GLB1L2: variants seen among roughly 807,000 people sequenced by gnomAD.
GLB1L2 encodes the protein beta-galactosidase-1-like protein 2.
Under a neutral mutation model 84.1 loss-of-function variants are expected in GLB1L2, and 68 were observed. That is an observed-to-expected ratio of 0.81 (90% CI 0.67 to 0.99). GLB1L2 has a LOEUF of 0.99. Among genes scored for constraint, GLB1L2 ranks in the 50% least tolerant of loss-of-function variants. The pLI is 0.00. For missense variants in GLB1L2, 762 were observed against 805.6 expected, an observed-to-expected ratio of 0.95 and a Z score of 0.66; for synonymous variants, 290 against 318.0, an observed-to-expected ratio of 0.91 and a Z score of 0.94.
chr11:134,359,141 G>C lies in GLB1L2; in HGVS notation c.733G>C (p.Val245Leu), dbSNP rs772087679. ...GCTGAGCAAGGGGATTGTCCAGGGA[G>C]GTAACTGCACTTGTGTTGGGCCGTG... ...DGLSKGIVQG[V>L]LATINLQSTH... Residue 245 changes from valine (V) to leucine (L), a missense_variant and splice_region_variant, in exon 7 of 19, where the codon GTC becomes CTC. Physicochemically the swap from Val to Leu is conservative, Grantham distance 32. Transcript: ENST00000535456. 6.3e-7 allele frequency: 1 copy of C among 1,596,482 alleles called. No individual in the cohort carries two copies. The highest frequency in any genetic ancestry group is 1.1e-5 in the South Asian group (1 of 88,154).
At chr11:134,343,051 C>G (rs527943299) in intron 2 of GLB1L2, 100 bp downstream of exon 2, 2 of 1,265,020 alleles carry the variant, frequency 1.6e-6, no homozygotes, top group Admixed American at 4.8e-5. Context: ...GGTCCTCTGC[C>G]CAGGGCGAGA....
intron 8 of GLB1L2, chr11:134,364,658 A>G: frequency 2.3e-6 from 1 of 428,876 alleles, no homozygotes; most frequent in South Asian, 4.7e-5. Context: ...CTCCTAGAGG[A>G]CTCGACTTTT....
At chr11:134,361,744 C>G (rs1328343179) in intron 7 of GLB1L2, among the ~76,000 whole-genome samples, 1 of 152,102 alleles carries the variant, frequency 6.6e-6, no homozygotes, top group Non-Finnish European at 1.5e-5. Context: ...ATTGTTCTGG[C>G]CTGCATGGTG....
At chr11:134,355,567 T>C (rs1410055462) in intron 5 of GLB1L2, among the ~76,000 whole-genome samples, 1 of 152,228 alleles carries the variant, frequency 6.6e-6, no homozygotes, top group Non-Finnish European at 1.5e-5. Flanking sequence ...TATCTGTGTG[T>C]GTGCTTCCCT....
chr11:134,353,543 G>A (rs1226028452), intron 5 of GLB1L2, among the ~76,000 whole-genome samples: 2 of 152,108 alleles, frequency 1.3e-5, no homozygotes, highest in African/African-American at 4.8e-5. Context: ...GTATATATAT[G>A]TTTGGTCCAA....
chr11:134,347,537 C>G (rs1443658307), intron 5 of GLB1L2, 104 bp downstream of exon 5: 7 of 772,180 alleles, frequency 9.1e-6, no homozygotes, highest in African/African-American at 3.4e-5. Flanking sequence ...GTTTTGAACA[C>G]ACGAGCAGGC....
chr11:134,375,023 A>AC lies in GLB1L2; in HGVS notation c.1882dup (p.His628ProfsTer9), dbSNP rs757195637. On this transcript the variant is annotated frameshift_variant, in exon 19 of 19. Transcript: ENST00000535456. LOFTEE classifies it high-confidence loss of function. Reference sequence around the variant, plus strand: ...GGGCCCTGCATTACAGTTCACGGAAACCCCCCACCTGGGCAGGAACCAGTA... The same window carrying AC: ...GGGCCCTGCATTACAGTTCACGGAAACCCCCCCACCTGGGCAGGAACCAGTA... 9 of 1,613,298 alleles carry AC rather than the reference A, an allele frequency of 5.6e-6. No homozygotes were observed. The highest frequency in any genetic ancestry group is 7.6e-6 in the Non-Finnish European group (9 of 1,179,904).
At position 134,370,973 on chromosome 11, in the gene GLB1L2, G is replaced by C. The variant is rs541304342; in HGVS notation, c.1216-35G>C. ...GTCTGTCTGTGACCCCACTCCTCCT[G>C]AGCCTGCCCACCCCTCCATCTCTTC... On this transcript the variant is annotated intron_variant, in intron 12 of 18. Coordinates refer to ENST00000535456, the MANE Select transcript of GLB1L2 (RefSeq NM_001370461.1). The surrounding 1 kb of genome is among the most constrained non-coding windows in gnomAD (Gnocchi z 4.7). 6.2e-7 allele frequency: 1 copy of C among 1,611,934 alleles called. No homozygotes were observed. The highest frequency in any genetic ancestry group is 1.7e-5 in the Admixed American group (1 of 59,938).
chr11:134,342,967 G>A lies in GLB1L2; in HGVS notation c.284+16G>A. The A allele has an allele frequency of 6.3e-7, 1 of 1,597,900 alleles. No homozygotes were observed. Among genetic ancestry groups the A allele is most frequent in the Non-Finnish European group, 8.5e-7 (1 of 1,169,922 alleles). On this transcript the variant is annotated intron_variant, in intron 2 of 18. Coordinates refer to ENST00000535456, the MANE Select transcript of GLB1L2 (RefSeq NM_001370461.1). ...CCCTCACCACGTAGGTGCTGCCCCTGTCCCCCCGGAGCCTGGTTCCTAAGC... is the reference window on the plus strand; with the variant it reads ...CCCTCACCACGTAGGTGCTGCCCCTATCCCCCCGGAGCCTGGTTCCTAAGC...
chr11:134,349,726 A>G (rs910086187), intron 5 of GLB1L2, among the ~76,000 whole-genome samples: 3 of 152,210 alleles, frequency 2.0e-5, no homozygotes, highest in African/African-American at 7.2e-5. Flanking sequence ...TCTTTTGCAT[A>G]TCTTGGAAGA....
chr11:134,332,140 C>A lies in GLB1L2; in HGVS notation c.79C>A (p.Leu27Ile), dbSNP rs1390696244. The change falls in exon 1 of 19, where the codon CTC (leucine) becomes ATC (isoleucine). Residue 27 changes from leucine (L) to isoleucine (I), a missense_variant. Around this residue, in one of 3 missense-constraint regions of GLB1L2, gnomAD observed 100 missense variants for 88.8 expected, o/e 1.13. Coordinates refer to ENST00000535456, the MANE Select transcript of GLB1L2 (RefSeq NM_001370461.1). ...GCTGGTCGTCTTGGGCTTCCTGGTG[C>A]TCCGCAGGTGAGAGAGAGCTTCGCG... is the stretch of plus-strand genomic sequence containing the variant. The part of the protein sequence containing the change: ...LLLVVLGFLV[L>I]RRLDWSTLVP... 6.3e-7 allele frequency: 1 copy of A among 1,575,562 alleles called. No individual in the cohort carries two copies.
intron 4 of GLB1L2, 182 bp from the exon 5 acceptor site, chr11:134,347,143 G>A (rs996798180): frequency 1.6e-6 from 1 of 613,038 alleles, no homozygotes; most frequent in Non-Finnish European, 3.0e-6. Flanking sequence ...AGGAGTGCGG[G>A]TGGGTGCTCG....
At chr11:134,369,368 AT>A (rs1340770931) in intron 10 of GLB1L2, among the ~76,000 whole-genome samples, 1 of 152,032 alleles carries the variant, frequency 6.6e-6, no homozygotes, top group Non-Finnish European at 1.5e-5. Context: ...AATTTTTAAA[AT>A]TTTTTGTAGA....
At chr11:134,374,742 G>C (rs759095386) in intron 18 of GLB1L2, 24 bp downstream of exon 18, 7 of 1,576,364 alleles carry the variant, frequency 4.4e-6, no homozygotes, top group South Asian at 3.3e-5. Flanking sequence ...GCCCCTTCCT[G>C]TTCCCCATGA....
chr11:134,355,936 C>T (rs564739578), intron 5 of GLB1L2: 64 of 456,374 alleles, frequency 1.4e-4, no homozygotes, highest in African/African-American at 4.0e-4. Flanking sequence ...GGAGTTGGGA[C>T]GCATCCTCCT....
chr11:134,361,716 T>A (rs1005026015), intron 7 of GLB1L2, among the ~76,000 whole-genome samples: 1 of 152,070 alleles, frequency 6.6e-6, no homozygotes, highest in African/African-American at 2.4e-5. Context: ...ATCCGGCTCG[T>A]GTGGAGGCCT....
intron 4 of GLB1L2, among the ~76,000 whole-genome samples, chr11:134,345,717 C>T (rs570983740): frequency 6.6e-6 from 1 of 152,200 alleles, no homozygotes. Context: ...GATCTGCCCA[C>T]CTCGGCCTCC....
rs992279798 is a variant in GLB1L2, at chr11:134,339,634, T to C, written c.87-3120T>C. On this transcript the variant is annotated intron_variant, in intron 1 of 18. Coordinates refer to ENST00000535456, the MANE Select transcript of GLB1L2 (RefSeq NM_001370461.1). This position sits in a 1 kb window ranked among gnomAD's most constrained non-coding sequence, Gnocchi z 5.7. ...TGAGAAGAACGTTTCATTCTAAAAATATAGAAAATGGTGTGTTATAAAGAC... is the reference window on the plus strand; with the variant it reads ...TGAGAAGAACGTTTCATTCTAAAAACATAGAAAATGGTGTGTTATAAAGAC... 6.6e-6 allele frequency among the ~76,000 whole-genome samples: 1 copy of C among 152,028 alleles called. No individual in the cohort carries two copies. The highest frequency in any genetic ancestry group is 2.4e-5 in the African/African-American group (1 of 41,398).
At chr11:134,371,195 C>T in intron 13 of GLB1L2, 47 bp downstream of exon 13, 1 of 1,605,874 alleles carries the variant, frequency 6.2e-7, no homozygotes, top group South Asian at 1.1e-5. Flanking sequence ...GTGAGCAGCT[C>T]TGCAATAGGC....
Sources: gnomAD v4.1 joint callset for allele counts (sites outside exome capture counted in the v4.1 genomes callset) on GRCh38, gnomAD v4.1.1 for gene constraint, gnomAD v4.1.1 regional missense constraint, Gnocchi (gnomAD v3.1) non-coding constraint, MANE v1.5 for transcripts, NCBI Gene and HGNC (gene_info 2026-07-23, HGNC 2026-07-21) for gene names.